SMOC1: variants seen among roughly 807,000 people sequenced by gnomAD.
The protein encoded by SMOC1 is SPARC-related modular calcium-binding protein 1.
Under a neutral mutation model 56.3 loss-of-function variants are expected in SMOC1, and 22 were observed. The ratio of observed to expected loss-of-function variants is 0.39; its 90% CI spans 0.28 to 0.56. SMOC1 has a LOEUF of 0.56. Ranked by LOEUF, SMOC1 falls within the 20% of genes least tolerant of loss-of-function variation. The pLI is 0.61. For synonymous variants in SMOC1, 193 were observed against 215.0 expected (o/e 0.90, Z 0.89); for missense variants, 509 against 565.4 (o/e 0.90, Z 1.01).
intron 1 of SMOC1, among the ~76,000 whole-genome samples, chr14:69,942,139 C>T (rs995494288): frequency 6.6e-6 from 1 of 152,052 alleles, no homozygotes; most frequent in Non-Finnish European, 1.5e-5. Flanking sequence ...TTGTTTGTGA[C>T]TTAGGCTTTG....
intron 1 of SMOC1, among the ~76,000 whole-genome samples, chr14:69,934,555 A>T (rs975575790): frequency 6.6e-6 from 1 of 152,154 alleles, no homozygotes; most frequent in Non-Finnish European, 1.5e-5. Flanking sequence ...GGTCCTAGAA[A>T]AATTGCTGCT....
chr14:69,902,631 T>G (rs1217585029), intron 1 of SMOC1, among the ~76,000 whole-genome samples: 1 of 152,084 alleles, frequency 6.6e-6, no homozygotes, highest in Non-Finnish European at 1.5e-5. Context: ...ACGGTCTCCC[T>G]CTCCCTCTCT....
rs571873837 is a variant in SMOC1, at chr14:69,977,924, T to C, written c.485T>C (p.Val162Ala). 1 of 1,614,052 alleles carries C rather than the reference T, an allele frequency of 6.2e-7. No homozygotes were observed. Among genetic ancestry groups the C allele is most frequent in the African/African-American group, 1.3e-5 (1 of 75,042 alleles). ...QNKTPVCSGS[V>A]TDKPLSQGNS... ...GTTTCCCTTCTCACCCAAGGTTCAG[T>C]CACCGACAAGCCCTTGAGCCAGGGT... The change falls in exon 5 of 12, where the codon GTC (valine) becomes GCC (alanine). Residue 162 changes from valine to alanine, a missense_variant. Physicochemically the swap from Val to Ala is moderately conservative, Grantham distance 64. Transcript: ENST00000361956.
chr14:69,946,955 T>A (rs1882805243), intron 1 of SMOC1, among the ~76,000 whole-genome samples: 1 of 152,180 alleles, frequency 6.6e-6, no homozygotes, highest in Non-Finnish European at 1.5e-5. Flanking sequence ...TGCTTCACCT[T>A]CTGCCCTGAG....
At chr14:69,953,028 G>A (rs935413363) in intron 2 of SMOC1, among the ~76,000 whole-genome samples, 1 of 152,194 alleles carries the variant, frequency 6.6e-6, no homozygotes, top group Admixed American at 6.5e-5. Context: ...AGCAGGCTGC[G>A]CTAGAGCCTC....
chr14:69,945,915 A>G (rs958105270), intron 1 of SMOC1, among the ~76,000 whole-genome samples: 8 of 152,234 alleles, frequency 5.3e-5, no homozygotes, highest in Admixed American at 4.6e-4. Flanking sequence ...ACGAGTATGC[A>G]TATTACCAGA....
chr14:69,999,539 A>G (rs1212559857), intron 7 of SMOC1, among the ~76,000 whole-genome samples: 1 of 152,180 alleles, frequency 6.6e-6, no homozygotes, highest in Non-Finnish European at 1.5e-5. Context: ...GCTTGTGTGC[A>G]TTTAAAATAT....
rs924876462 is a variant in SMOC1, at chr14:69,927,036, C to T, written c.100-25102C>T. 4.6e-5 allele frequency among the ~76,000 whole-genome samples: 7 copies of T among 152,366 alleles called. No homozygotes were observed. In the South Asian group the frequency reaches 1.4e-3, roughly 32 times the overall value. On this transcript the variant is annotated intron_variant, in intron 1 of 11. Coordinates refer to ENST00000361956, the MANE Select transcript of SMOC1 (RefSeq NM_001034852.3). ...TCTTCATGTGTCTTCACTCGCACTT[C>T]ACTTTGCTTAGAACATCCTTATGTG...
At chr14:69,900,035 C>T (rs938338605) in intron 1 of SMOC1, among the ~76,000 whole-genome samples, 1 of 152,206 alleles carries the variant, frequency 6.6e-6, no homozygotes, top group Non-Finnish European at 1.5e-5. Context: ...TTCTTACATA[C>T]TCGCCATACC....
chr14:70,010,040 G>C (rs1260379376), intron 7 of SMOC1, among the ~76,000 whole-genome samples: 6 of 152,308 alleles, frequency 3.9e-5, no homozygotes, highest in Non-Finnish European at 7.4e-5. Context: ...GGACTGGCTC[G>C]GGGGAAACCA....
chr14:69,986,531 G>A (rs756107586), intron 5 of SMOC1, among the ~76,000 whole-genome samples: 8 of 152,204 alleles, frequency 5.3e-5, no homozygotes, highest in South Asian at 4.2e-4. Context: ...CTATAAAGCC[G>A]TTACCATTGG....
At chr14:70,000,741 A>G (rs1884937513) in intron 7 of SMOC1, among the ~76,000 whole-genome samples, 2 of 152,246 alleles carry the variant, frequency 1.3e-5, no homozygotes, top group Admixed American at 1.3e-4. Flanking sequence ...ACTTCAGACC[A>G]TGGTGAGCCA....
At chr14:70,008,753 C>T (rs1336015074) in intron 7 of SMOC1, among the ~76,000 whole-genome samples, 2 of 152,170 alleles carry the variant, frequency 1.3e-5, no homozygotes, top group South Asian at 2.1e-4. Context: ...GTTACATGAA[C>T]GTGGTGTCAG....
chr14:69,963,951 G>A (rs1883474722), intron 3 of SMOC1, among the ~76,000 whole-genome samples: 2 of 152,130 alleles, frequency 1.3e-5, no homozygotes, highest in Admixed American at 1.3e-4. Context: ...AAGGATGTGT[G>A]ATAAGATGAG....
chr14:69,987,885 C>T (rs920354269), intron 5 of SMOC1, among the ~76,000 whole-genome samples: 1 of 152,128 alleles, frequency 6.6e-6, no homozygotes, highest in Admixed American at 6.5e-5. Flanking sequence ...CTCACAGAGC[C>T]CATGCGGGGG....
intron 1 of SMOC1, among the ~76,000 whole-genome samples, chr14:69,921,043 G>A (rs1434651523): frequency 3.3e-5 from 5 of 152,120 alleles, no homozygotes; most frequent in African/African-American, 7.2e-5. Context: ...ATAGTTGGTC[G>A]CCCAAAGCCC....
At chr14:69,941,293 C>T (rs899978569) in intron 1 of SMOC1, among the ~76,000 whole-genome samples, 11 of 152,194 alleles carry the variant, frequency 7.2e-5, no homozygotes, top group African/African-American at 2.7e-4. Flanking sequence ...TTCCACCTGG[C>T]GCATTTGCTT....
At chr14:69,943,209 A>T (rs576425519) in intron 1 of SMOC1, among the ~76,000 whole-genome samples, 1 of 152,306 alleles carries the variant, frequency 6.6e-6, no homozygotes, top group East Asian at 1.9e-4. Context: ...TTAATCGGGC[A>T]TGCTGCTGTC....
intron 1 of SMOC1, among the ~76,000 whole-genome samples, chr14:69,922,834 C>T (rs1374569651): frequency 6.6e-6 from 1 of 152,104 alleles, no homozygotes; most frequent in Non-Finnish European, 1.5e-5. Flanking sequence ...CAGAAGTTAA[C>T]CTGTGACTTT....
Sources: allele counts gnomAD v4.1 joint callset (sites outside exome capture counted in the v4.1 genomes callset), GRCh38; gene constraint gnomAD v4.1.1; transcripts MANE v1.5; gene names NCBI Gene and HGNC (gene_info 2026-07-23, HGNC 2026-07-21).